Variants in SLC24A2 observed in about 807,000 individuals in gnomAD.
SLC24A2 encodes solute carrier family 24 member 2.
Under a neutral mutation model 62.0 loss-of-function variants are expected in SLC24A2, and 36 were observed. The ratio of observed to expected loss-of-function variants is 0.58; its 90% CI spans 0.44 to 0.77. The LOEUF (loss-of-function observed/expected upper bound fraction) is 0.77, where lower values mean the gene tolerates loss of function less well. Among genes scored for constraint, SLC24A2 ranks in the 30% least tolerant of loss-of-function variants. The pLI, the probability that SLC24A2 is intolerant of heterozygous loss-of-function variation, is 0.00. For synonymous variants in SLC24A2, 358 were observed against 294.0 expected (o/e 1.22, Z -2.23); for missense variants, 846 against 817.9 (o/e 1.03, Z -0.42).
the SLC24A2 span, among the ~76,000 whole-genome samples, chr9:20,028,523 C>T: frequency 6.6e-6 from 1 of 152,140 alleles, no homozygotes; most frequent in Admixed American, 6.6e-5. Flanking sequence ...CTGCTCTCAC[C>T]CTGCCACTCC....
chr9:19,575,307 ACT>A (rs751843547), intron 6 of SLC24A2, among the ~76,000 whole-genome samples: 4 of 152,098 alleles, frequency 2.6e-5, no homozygotes, highest in Non-Finnish European at 5.9e-5. Flanking sequence ...GGTGAATAAA[ACT>A]CTGTTTGGAG....
intron 2 of SLC24A2, among the ~76,000 whole-genome samples, chr9:19,728,243 G>A (rs1179050798): frequency 6.6e-6 from 1 of 151,954 alleles, no homozygotes; most frequent in Non-Finnish European, 1.5e-5. Flanking sequence ...TTTTCAGAAA[G>A]GCAGATGGTC....
the SLC24A2 span, among the ~76,000 whole-genome samples, chr9:20,275,717 A>T: frequency 0.088 from 13,344 of 152,228 alleles, 608 homozygotes; most frequent in Middle Eastern, 0.12. Flanking sequence ...GGCTATGAAG[A>T]AATGCCCAAG....
At chr9:20,037,152 C>A in the SLC24A2 span, among the ~76,000 whole-genome samples, 1 of 151,400 alleles carries the variant, frequency 6.6e-6, no homozygotes, top group Admixed American at 6.6e-5. Flanking sequence ...CCCACCTCGG[C>A]CTCCCAAAGT....
At chr9:20,218,939 T>C in the SLC24A2 span, among the ~76,000 whole-genome samples, 1 of 152,076 alleles carries the variant, frequency 6.6e-6, no homozygotes, top group Non-Finnish European at 1.5e-5. Context: ...CAGAATGATT[T>C]TGTGTATGCA....
At chr9:20,071,738 T>C in the SLC24A2 span, among the ~76,000 whole-genome samples, 4 of 152,182 alleles carry the variant, frequency 2.6e-5, no homozygotes, top group South Asian at 8.3e-4. Flanking sequence ...TATCTCTGGA[T>C]AGACAGTTTC....
the SLC24A2 span, among the ~76,000 whole-genome samples, chr9:20,103,450 A>C: frequency 1.7e-3 from 256 of 152,318 alleles, 1 homozygote; most frequent in Non-Finnish European, 3.2e-3. Context: ...GGCACCCCCC[A>C]GCAGGGGCAG....
chr9:19,915,372 G>C, the SLC24A2 span, among the ~76,000 whole-genome samples: 1 of 151,980 alleles, frequency 6.6e-6, no homozygotes, highest in African/African-American at 2.4e-5. Flanking sequence ...TTTGGCTCTT[G>C]TGAATAATGT....
At chr9:20,076,063 C>A in the SLC24A2 span, among the ~76,000 whole-genome samples, 3 of 152,134 alleles carry the variant, frequency 2.0e-5, no homozygotes, top group African/African-American at 7.2e-5. Flanking sequence ...AGAAAAAAGT[C>A]TGAATGCTTT....
the SLC24A2 span, among the ~76,000 whole-genome samples, chr9:20,177,257 C>A: frequency 6.6e-6 from 1 of 152,018 alleles, no homozygotes; most frequent in African/African-American, 2.4e-5. Context: ...AAAAAAAGGC[C>A]TTACCAGGCC....
At chr9:19,517,937 ACACACACACACACACACACACT>A (rs1198316316) in intron 10 of SLC24A2, among the ~76,000 whole-genome samples, 2 of 148,492 alleles carry the variant, frequency 1.3e-5, no homozygotes, top group South Asian at 2.3e-4. Flanking sequence ...ACACACACAC[ACACACACACACACACACACACT>A]CTCACACTTC....
At chr9:19,698,425 C>T (rs1202948768) in intron 2 of SLC24A2, among the ~76,000 whole-genome samples, 1 of 152,152 alleles carries the variant, frequency 6.6e-6, no homozygotes, top group Non-Finnish European at 1.5e-5. Context: ...AAAAAATCTG[C>T]AATCCAAAAC....
chr9:19,845,925 AT>A, the SLC24A2 span, among the ~76,000 whole-genome samples: 2 of 151,482 alleles, frequency 1.3e-5, no homozygotes, highest in South Asian at 4.2e-4. Context: ...GTTCATTTCT[AT>A]TTTTATTCCA....
At chr9:19,940,314 A>G in the SLC24A2 span, among the ~76,000 whole-genome samples, 1 of 152,218 alleles carries the variant, frequency 6.6e-6, no homozygotes, top group Non-Finnish European at 1.5e-5. Context: ...GCCTTGCCAC[A>G]TGACTTTTGT....
At chr9:20,143,324 A>C in the SLC24A2 span, among the ~76,000 whole-genome samples, 25 of 152,352 alleles carry the variant, frequency 1.6e-4, no homozygotes, top group Non-Finnish European at 1.8e-4. Context: ...AAAGAGGAGA[A>C]AAAGATACAG....
the SLC24A2 span, among the ~76,000 whole-genome samples, chr9:20,034,609 G>T: frequency 2.0e-5 from 3 of 151,960 alleles, no homozygotes; most frequent in African/African-American, 7.3e-5. Context: ...TGGGATTACA[G>T]TGGCCCGCCA....
chr9:19,559,208 T>C (rs1468003159), intron 7 of SLC24A2, among the ~76,000 whole-genome samples: 3 of 152,196 alleles, frequency 2.0e-5, no homozygotes, highest in African/African-American at 7.2e-5. Context: ...AAAGCTTGAC[T>C]AGGTGAATTA....
the SLC24A2 span, among the ~76,000 whole-genome samples, chr9:19,936,080 A>G: frequency 6.6e-6 from 1 of 152,138 alleles, no homozygotes; most frequent in Non-Finnish European, 1.5e-5. Context: ...TTAAGCTCAA[A>G]TGTTAAATTT....
At chr9:19,590,299 G>C (rs139814808) in intron 5 of SLC24A2, among the ~76,000 whole-genome samples, 100 of 152,178 alleles carry the variant, frequency 6.6e-4, no homozygotes, top group African/African-American at 2.3e-3. Context: ...TCCCCAATCT[G>C]ACTCAATCTC....
Sources: allele counts gnomAD v4.1 joint callset (sites outside exome capture counted in the v4.1 genomes callset), GRCh38; gene constraint gnomAD v4.1.1; transcripts MANE v1.5; gene names NCBI Gene and HGNC (gene_info 2026-07-23, HGNC 2026-07-21).